CEP112: variants seen among roughly 807,000 people sequenced by gnomAD.
The protein encoded by CEP112 is centrosomal protein of 112 kDa.
Under a neutral mutation model 153.0 loss-of-function variants are expected in CEP112, and 127 were observed. The observed-to-expected ratio is 0.83, with a 90% CI of 0.72 to 0.96. The LOEUF is 0.96. Among genes scored for constraint, CEP112 ranks in the 40% least tolerant of loss-of-function variants. The probability of loss-of-function intolerance (pLI) is 0.00; values close to 1 mark genes in which losing one functional copy is unlikely to be tolerated. For synonymous variants in CEP112, 358 were observed against 374.4 expected, an observed-to-expected ratio of 0.96 and a Z score of 0.51; for missense variants, 1,089 against 1,101.2, an observed-to-expected ratio of 0.99 and a Z score of 0.16.
intron 23 of CEP112, among the ~76,000 whole-genome samples, chr17:65,723,191 T>C (rs1358886509): frequency 6.6e-6 from 1 of 152,158 alleles, no homozygotes; most frequent in Admixed American, 6.5e-5. Context: ...TAGGTAGACA[T>C]GAACTTACAA....
intron 21 of CEP112, among the ~76,000 whole-genome samples, chr17:65,841,626 A>G (rs891438526): frequency 6.6e-6 from 1 of 152,056 alleles, no homozygotes; most frequent in Non-Finnish European, 1.5e-5. Context: ...TGTATATTTC[A>G]AAATAGCTAG....
At position 65,765,291 on chromosome 17, in the gene CEP112, C is replaced by T. The variant is rs539694769; in HGVS notation, c.2395-14567G>A. 4.0e-5 allele frequency among the ~76,000 whole-genome samples: 6 copies of T among 150,400 alleles called. No homozygotes were observed. In the South Asian group the frequency reaches 8.5e-4, roughly 21 times the overall value. ...TGAATTGCTTTACAAACAATTCATA[C>T]ATTTTCTTTTCTTTGGGGTCAGTTA... On this transcript the variant is annotated intron_variant, in intron 21 of 26. Transcript: ENST00000535342.
chr17:66,024,981 C>T (rs960338799), intron 16 of CEP112, among the ~76,000 whole-genome samples: 4 of 152,106 alleles, frequency 2.6e-5, no homozygotes, highest in Non-Finnish European at 4.4e-5. Flanking sequence ...AGAAACACCA[C>T]CACATAACTA....
At chr17:66,188,291 AC>A (rs2073019457) in intron 1 of CEP112, among the ~76,000 whole-genome samples, 1 of 109,230 alleles carries the variant, frequency 9.2e-6, no homozygotes, top group African/African-American at 4.0e-5. Flanking sequence ...ACACAAACAC[AC>A]ACACACACAC....
At chr17:65,687,149 A>G (rs2047839177) in intron 24 of CEP112, among the ~76,000 whole-genome samples, 1 of 146,416 alleles carries the variant, frequency 6.8e-6, no homozygotes, top group Non-Finnish European at 1.5e-5. Context: ...GATAAGGTAT[A>G]GTTATTATTA....
At position 66,096,260 on chromosome 17, in the gene CEP112, A is replaced by T; in HGVS notation, c.759T>A (p.Arg253=). The part of the protein sequence containing the change: ...FHDDHFLSRI[R]EKELDMKTKM... ...AATATCTCATTCCTACCTCTTTCTC[A>T]CGTATTCGAGAGAGAAAATGATCAT... Residue 253 remains arginine, a synonymous_variant, in exon 8 of 27, where the codon CGT becomes CGA. Coordinates refer to ENST00000535342, the MANE Select transcript of CEP112 (RefSeq NM_001199165.4). 2 of 1,608,600 alleles carry T rather than the reference A, an allele frequency of 1.2e-6. No individual in the cohort carries two copies. The highest frequency in any genetic ancestry group is 8.5e-7 in the Non-Finnish European group (1 of 1,175,770).
chr17:66,041,395 C>A (rs2065971721), intron 12 of CEP112, among the ~76,000 whole-genome samples: 1 of 151,998 alleles, frequency 6.6e-6, no homozygotes, highest in African/African-American at 2.4e-5. Flanking sequence ...CAAATAACAT[C>A]ATTTCATTAT....
intron 20 of CEP112, among the ~76,000 whole-genome samples, chr17:65,897,583 A>G (rs1209799077): frequency 6.6e-6 from 1 of 152,140 alleles, no homozygotes; most frequent in East Asian, 1.9e-4. Flanking sequence ...TTCCTGGCAC[A>G]GTGATGAAAC....
intron 18 of CEP112, among the ~76,000 whole-genome samples, chr17:65,939,839 T>C (rs973844490): frequency 6.6e-6 from 1 of 152,128 alleles, no homozygotes; most frequent in Non-Finnish European, 1.5e-5. Context: ...CAAAGATTTC[T>C]TGGATATGAC....
intron 21 of CEP112, among the ~76,000 whole-genome samples, chr17:65,841,341 T>C (rs964516987): frequency 2.6e-5 from 4 of 152,062 alleles, no homozygotes; most frequent in African/African-American, 4.8e-5. Context: ...AATTCTGTCA[T>C]TTTCAGCAAC....
intron 23 of CEP112, among the ~76,000 whole-genome samples, chr17:65,720,385 A>G (rs1441671596): frequency 6.6e-6 from 1 of 152,158 alleles, no homozygotes; most frequent in Non-Finnish European, 1.5e-5. Context: ...CCTAGTAAGA[A>G]AAGGAAGCCA....
chr17:66,100,463 G>T (rs1210962593), intron 6 of CEP112, among the ~76,000 whole-genome samples: 1 of 147,132 alleles, frequency 6.8e-6, no homozygotes, highest in Non-Finnish European at 1.5e-5. Context: ...TATAGTAACA[G>T]CAAGAGATAA....
chr17:65,862,768 GC>G (rs1181548817), intron 20 of CEP112, among the ~76,000 whole-genome samples: 1 of 151,984 alleles, frequency 6.6e-6, no homozygotes, highest in Non-Finnish European at 1.5e-5. Flanking sequence ...CAAGAAGAAT[GC>G]TTCTAAAAGA....
chr17:66,072,902 T>A (rs1260360972), intron 8 of CEP112, among the ~76,000 whole-genome samples: 1 of 152,228 alleles, frequency 6.6e-6, no homozygotes, highest in East Asian at 1.9e-4. Context: ...GAAACAATCT[T>A]GCTACTATAT....
At chr17:66,096,427 G>C in intron 7 of CEP112, 99 bp from the exon 8 acceptor site, 1 of 1,206,912 alleles carries the variant, frequency 8.3e-7, no homozygotes, top group Non-Finnish European at 1.2e-6. Context: ...TACCAAAATA[G>C]TACTAACACT....
Position 65,809,140 on chromosome 17 carries a change from T to C in CEP112, c.2394+42664A>G, listed in dbSNP as rs9889852. ...TAGCACATAATGGACTAAGATAAGA[T>C]CTGAGGGGGGAAATCCAGACAAAGA... On this transcript the variant is annotated intron_variant, in intron 21 of 26. Coordinates refer to ENST00000535342, the MANE Select transcript of CEP112 (RefSeq NM_001199165.4). 2.8e-3 allele frequency among the ~76,000 whole-genome samples: 427 copies of C among 152,242 alleles called. 1 individual carries two copies. The highest frequency in any genetic ancestry group is 9.9e-3 in the African/African-American group (413 of 41,538).
At chr17:66,185,369 C>T (rs1403783882) in intron 1 of CEP112, among the ~76,000 whole-genome samples, 2 of 152,088 alleles carry the variant, frequency 1.3e-5, no homozygotes, top group East Asian at 1.9e-4. Flanking sequence ...ATTACAGGCA[C>T]ACACCACCAT....
intron 24 of CEP112, among the ~76,000 whole-genome samples, chr17:65,642,217 T>A (rs1311030978): frequency 6.6e-6 from 1 of 152,232 alleles, no homozygotes; most frequent in Non-Finnish European, 1.5e-5. Flanking sequence ...TAAAAATCTG[T>A]TGCATGTGCT....
chr17:65,724,760 A>C (rs761030233), intron 23 of CEP112, among the ~76,000 whole-genome samples: 25 of 152,226 alleles, frequency 1.6e-4, no homozygotes, highest in Non-Finnish European at 3.4e-4. Context: ...GTTCTACAGC[A>C]ACAAAGATGA....
Sources: allele counts gnomAD v4.1 joint callset (sites outside exome capture counted in the v4.1 genomes callset), GRCh38; gene constraint gnomAD v4.1.1; transcripts MANE v1.5; gene names NCBI Gene and HGNC (gene_info 2026-07-23, HGNC 2026-07-21).